The following MED12L variants were observed in gnomAD, a reference collection of about 807,000 sequenced individuals.
The protein encoded by MED12L is mediator of RNA polymerase II transcription subunit 12-like protein.
In MED12L, 60 loss-of-function variants were observed where a neutral mutation model predicts 281.3. The observed-to-expected ratio is 0.21, with a 90% CI of 0.17 to 0.26. MED12L has a LOEUF of 0.26. Ranked by LOEUF, MED12L falls within the 10% of genes least tolerant of loss-of-function variation. The pLI is 1.00. For synonymous variants in MED12L, 974 were observed against 987.2 expected (o/e 0.99, Z 0.25); for missense variants, 2,146 against 2,680.9 (o/e 0.80, Z 4.41).
At chr3:151,091,889 C>T (rs1447202794) in intron 2 of MED12L, among the ~76,000 whole-genome samples, 4 of 152,202 alleles carry the variant, frequency 2.6e-5, no homozygotes, top group Non-Finnish European at 5.9e-5. Context: ...TTTCTTCCAA[C>T]TTCATAGAGT....
At chr3:151,120,027 T>C (rs1262761222) in intron 3 of MED12L, among the ~76,000 whole-genome samples, 1 of 148,584 alleles carries the variant, frequency 6.7e-6, no homozygotes. Context: ...GAGACCAGCC[T>C]GGCCAACACG....
rs181447118 is a variant in MED12L at position 151,211,784 on chromosome 3, A to G, written c.2250+18118A>G. Among the ~76,000 whole-genome samples the G allele has an allele frequency of 9.3e-4, 142 of 152,284 alleles. 1 individual carries two copies. In the East Asian group the frequency reaches 0.022, roughly 24 times the overall value. On this transcript the variant is annotated intron_variant, in intron 16 of 44. Coordinates refer to ENST00000687756, the MANE Select transcript of MED12L (RefSeq NM_001393769.1). ...CACCTCAGTCTCCCCAGTAACTGGGACTATCGGCGTATGCCACGACGCCTG... is the reference window on the plus strand; with the variant it reads ...CACCTCAGTCTCCCCAGTAACTGGGGCTATCGGCGTATGCCACGACGCCTG...
At chr3:151,141,187 G>GTTTTTTTGTTTTTTTTTTT (rs376743895) in intron 5 of MED12L, among the ~76,000 whole-genome samples, 9 of 99,102 alleles carry the variant, frequency 9.1e-5, no homozygotes, top group East Asian at 3.6e-4. Context: ...TGTTTTTTTT[G>GTTTTTTTGTTTTTTTTTTT]TTTTTTTTTT....
At chr3:151,133,021 T>C (rs548091846) in intron 5 of MED12L, among the ~76,000 whole-genome samples, 1 of 152,376 alleles carries the variant, frequency 6.6e-6, no homozygotes, top group African/African-American at 2.4e-5. Flanking sequence ...TTCTGTGTTC[T>C]GGCATTGATA....
chr3:151,395,685 A>G (rs998089043), intron 39 of MED12L, among the ~76,000 whole-genome samples: 6 of 152,234 alleles, frequency 3.9e-5, no homozygotes, highest in African/African-American at 1.4e-4. Flanking sequence ...ATTTCTAAGC[A>G]CTTTAGATGT....
chr3:151,155,020 G>A (rs1719081259), intron 5 of MED12L, among the ~76,000 whole-genome samples: 1 of 152,196 alleles, frequency 6.6e-6, no homozygotes, highest in Admixed American at 6.5e-5. Flanking sequence ...TGGTTTAGAT[G>A]AAAACTTAAC....
chr3:151,091,631 T>C (rs932932973), intron 2 of MED12L, among the ~76,000 whole-genome samples: 1 of 152,232 alleles, frequency 6.6e-6, no homozygotes, highest in Non-Finnish European at 1.5e-5. Flanking sequence ...TGTCCCAGAA[T>C]TTGTGCCCTC....
chr3:151,423,181 A>G (rs1718474098), intron 43 of MED12L, among the ~76,000 whole-genome samples: 1 of 151,150 alleles, frequency 6.6e-6, no homozygotes, highest in Non-Finnish European at 1.5e-5. Flanking sequence ...CACCATGCCC[A>G]GCTATTTTTT....
intron 16 of MED12L, among the ~76,000 whole-genome samples, chr3:151,239,938 CAT>C (rs1436321516): frequency 6.6e-6 from 1 of 152,162 alleles, no homozygotes; most frequent in Non-Finnish European, 1.5e-5. Flanking sequence ...GTACAGAACA[CAT>C]ATCTTTCACT....
intron 16 of MED12L, chr3:151,294,380 T>G: frequency 1.2e-6 from 2 of 1,614,060 alleles, no homozygotes; most frequent in African/African-American, 1.3e-5. Context: ...TAGGATTTTT[T>G]GTGCAGATTC....
chr3:151,134,351 T>A (rs1327279323), intron 5 of MED12L, among the ~76,000 whole-genome samples: 2 of 152,244 alleles, frequency 1.3e-5, no homozygotes, highest in Non-Finnish European at 2.9e-5. Context: ...TGACTTATTA[T>A]TCAGATAGCC....
intron 16 of MED12L, among the ~76,000 whole-genome samples, chr3:151,264,024 G>A (rs1379028928): frequency 2.6e-5 from 4 of 152,190 alleles, no homozygotes; most frequent in Admixed American, 1.3e-4. Context: ...ATATCATGGT[G>A]ACTTTTCCAT....
At chr3:151,362,999 A>C (rs569537217) in intron 21 of MED12L, among the ~76,000 whole-genome samples, 5 of 152,026 alleles carry the variant, frequency 3.3e-5, no homozygotes, top group African/African-American at 7.2e-5. Flanking sequence ...TTAATAGTGA[A>C]CTTCCTCAGA....
intron 11 of MED12L, among the ~76,000 whole-genome samples, chr3:151,167,877 C>A (rs1436357121): frequency 6.6e-6 from 1 of 152,100 alleles, no homozygotes; most frequent in Non-Finnish European, 1.5e-5. Flanking sequence ...AGTAGGGATA[C>A]CCAAAATTCA....
At chr3:151,127,165 G>A (rs571121962) in intron 4 of MED12L, among the ~76,000 whole-genome samples, 4 of 152,300 alleles carry the variant, frequency 2.6e-5, no homozygotes, top group South Asian at 4.1e-4. Flanking sequence ...ATACTAATTT[G>A]CTAAATAGTA....
At chr3:151,346,395 A>C in intron 16 of MED12L, among the ~76,000 whole-genome samples, 1 of 152,240 alleles carries the variant, frequency 6.6e-6, no homozygotes. Context: ...GTTGTTCTTC[A>C]TGCCCAACTC....
Position 151,360,488 on chromosome 3 carries a change from T to C in MED12L, c.2840T>C (p.Val947Ala). The change falls in exon 21 of 45, where the codon GTC (valine) becomes GCC (alanine). Residue 947 changes from valine (V) to alanine (A), a missense_variant. Coordinates refer to ENST00000687756, the MANE Select transcript of MED12L (RefSeq NM_001393769.1). The stretch of plus-strand genomic sequence containing the variant: ...TTTCTCCTCAGGTTGTGTGGTGTGG[T>C]CAAGCATGTCGTAAACCCCTCAGAA... ...AQVFEGLCGV[V>A]KHVVNPSECS... The C allele has an allele frequency of 1.2e-6, 2 of 1,612,568 alleles. No homozygotes were observed. The highest frequency in any genetic ancestry group is 8.5e-7 in the Non-Finnish European group (1 of 1,178,986).
intron 21 of MED12L, among the ~76,000 whole-genome samples, chr3:151,361,382 T>C (rs73008504): frequency 0.028 from 4,226 of 152,202 alleles, 188 homozygotes; most frequent in African/African-American, 0.097. Flanking sequence ...ACAGATTGTA[T>C]TAGATTCAGG....
intron 17 of MED12L, among the ~76,000 whole-genome samples, chr3:151,353,758 G>A (rs1257386099): frequency 1.3e-5 from 2 of 152,194 alleles, no homozygotes; most frequent in African/African-American, 4.8e-5. Context: ...AATCTGTAAA[G>A]TAACCTTTGT....
Sources: allele counts gnomAD v4.1 joint callset (sites outside exome capture counted in the v4.1 genomes callset), GRCh38; gene constraint gnomAD v4.1.1; transcripts MANE v1.5; gene names NCBI Gene and HGNC (gene_info 2026-07-23, HGNC 2026-07-21).